ATG7: variants seen among roughly 807,000 people sequenced by gnomAD.
ATG7 encodes autophagy related 7.
Under a neutral mutation model 82.4 loss-of-function variants are expected in ATG7, and 70 were observed. The ratio of observed to expected loss-of-function variants is 0.85; its 90% CI spans 0.70 to 1.04. The LOEUF is 1.04. ATG7 is among the 50% of genes least tolerant of loss of function. The pLI is 0.00. For missense variants in ATG7, 792 were observed against 864.3 expected, an observed-to-expected ratio of 0.92 and a Z score of 1.05; for synonymous variants, 287 against 313.0, an observed-to-expected ratio of 0.92 and a Z score of 0.88.
chr3:11,433,546 AAG>A (rs1235530372), intron 20 of ATG7, among the ~76,000 whole-genome samples: 5 of 152,318 alleles, frequency 3.3e-5, no homozygotes, highest in East Asian at 1.9e-4. Context: ...ACTAATTTAT[AAG>A]AGAGTTAATA....
intron 19 of ATG7, among the ~76,000 whole-genome samples, chr3:11,423,869 T>C (rs888888450): frequency 6.6e-6 from 1 of 152,186 alleles, no homozygotes; most frequent in Non-Finnish European, 1.5e-5. Flanking sequence ...TCCCTTGGCT[T>C]AGATGGGTTC....
At chr3:11,284,208 C>T (rs1392304475) in intron 3 of ATG7, among the ~76,000 whole-genome samples, 1 of 152,014 alleles carries the variant, frequency 6.6e-6, no homozygotes, top group African/African-American at 2.4e-5. Flanking sequence ...AAAAAATATC[C>T]TACACTTCTT....
chr3:11,344,558 A>G (rs1162218444), intron 13 of ATG7, among the ~76,000 whole-genome samples: 2 of 152,118 alleles, frequency 1.3e-5, no homozygotes, highest in African/African-American at 4.8e-5. Context: ...TCAATTAGTA[A>G]TGTTTTGTTT....
the ATG7 span, among the ~76,000 whole-genome samples, chr3:11,569,641 T>A: frequency 1.3e-5 from 2 of 152,172 alleles, no homozygotes; most frequent in South Asian, 2.1e-4. Context: ...GTCCTCTCTC[T>A]CCCACCGCAG....
At chr3:11,399,436 C>T (rs2079604007) in intron 19 of ATG7, among the ~76,000 whole-genome samples, 1 of 152,158 alleles carries the variant, frequency 6.6e-6, no homozygotes, top group African/African-American at 2.4e-5. Flanking sequence ...ATTAAGGAGG[C>T]AGGCAGATTT....
At chr3:11,447,724 C>T (rs2084712614) in intron 20 of ATG7, among the ~76,000 whole-genome samples, 1 of 152,088 alleles carries the variant, frequency 6.6e-6, no homozygotes, top group Non-Finnish European at 1.5e-5. Context: ...AAAGAAAATC[C>T]CAGATAAGGA....
intron 18 of ATG7, among the ~76,000 whole-genome samples, chr3:11,366,926 C>A (rs1474047772): frequency 6.0e-5 from 9 of 149,784 alleles, no homozygotes; most frequent in African/African-American, 2.0e-4. Flanking sequence ...TCTTCATTTG[C>A]CCTTTTCAAA....
chr3:11,471,434 C>A (rs1347834932), intron 20 of ATG7, among the ~76,000 whole-genome samples: 2 of 152,136 alleles, frequency 1.3e-5, no homozygotes, highest in Non-Finnish European at 2.9e-5. Flanking sequence ...CATCTTTATA[C>A]CCTCAGTACC....
At chr3:11,482,963 A>G (rs1436555769) in intron 20 of ATG7, among the ~76,000 whole-genome samples, 2 of 151,800 alleles carry the variant, frequency 1.3e-5, no homozygotes, top group Non-Finnish European at 2.9e-5. Context: ...TACAGTCAGT[A>G]CCCCTAATGA....
At chr3:11,418,695 C>G (rs2081641371) in intron 19 of ATG7, among the ~76,000 whole-genome samples, 1 of 152,166 alleles carries the variant, frequency 6.6e-6, no homozygotes, top group Non-Finnish European at 1.5e-5. Flanking sequence ...GACTGTCTCT[C>G]CAGTTCTGGG....
intron 9 of ATG7, among the ~76,000 whole-genome samples, chr3:11,322,523 T>C (rs1291098274): frequency 6.6e-6 from 1 of 152,234 alleles, no homozygotes; most frequent in Non-Finnish European, 1.5e-5. Flanking sequence ...TACAAACTTT[T>C]TGTATATTTC....
chr3:11,473,664 C>CTGAG (rs572118471), intron 20 of ATG7, among the ~76,000 whole-genome samples: 46 of 152,326 alleles, frequency 3.0e-4, no homozygotes, highest in Non-Finnish European at 1.5e-4. Flanking sequence ...AGAGTCACTT[C>CTGAG]TGAGTGCTGT....
At chr3:11,281,476 A>G (rs1050079579) in intron 2 of ATG7, among the ~76,000 whole-genome samples, 4 of 152,130 alleles carry the variant, frequency 2.6e-5, no homozygotes, top group Admixed American at 2.6e-4. Context: ...CTTTATTCTT[A>G]TCTTTGAAAA....
chr3:11,435,723 C>T (rs781020569), intron 20 of ATG7, among the ~76,000 whole-genome samples: 3 of 152,124 alleles, frequency 2.0e-5, no homozygotes, highest in Non-Finnish European at 2.9e-5. Context: ...CATTGACCTT[C>T]GTTTCCATCA....
chr3:11,535,321 G>A (rs1380105508), intron 20 of ATG7, among the ~76,000 whole-genome samples: 1 of 152,194 alleles, frequency 6.6e-6, no homozygotes. Flanking sequence ...GGCTCTCAGA[G>A]GGAAAGGCCA....
At chr3:11,425,306 T>C (rs2082273000) in intron 19 of ATG7, among the ~76,000 whole-genome samples, 1 of 152,224 alleles carries the variant, frequency 6.6e-6, no homozygotes, top group Non-Finnish European at 1.5e-5. Context: ...TAAGTCTTTG[T>C]GCCCATGTAC....
intron 20 of ATG7, among the ~76,000 whole-genome samples, chr3:11,481,173 A>G (rs1199812226): frequency 2.6e-5 from 4 of 152,244 alleles, no homozygotes; most frequent in Non-Finnish European, 4.4e-5. Flanking sequence ...GAGAACAAAT[A>G]TAGGAGTTAG....
At chr3:11,415,259 G>T (rs1028230892) in intron 19 of ATG7, among the ~76,000 whole-genome samples, 5 of 152,118 alleles carry the variant, frequency 3.3e-5, no homozygotes, top group South Asian at 2.1e-4. Context: ...ACCATAAATG[G>T]AGTTTGTAGG....
chr3:11,295,817 G>A lies in ATG7; in HGVS notation c.-10-2869G>A, dbSNP rs536175773. 3.7e-3 allele frequency among the ~76,000 whole-genome samples: 521 copies of A among 139,144 alleles called. 4 individuals carry two copies. Among genetic ancestry groups the A allele is most frequent in the Middle Eastern group, 7.9e-3 (2 of 252 alleles). The allele number at this position is 139,144 out of a possible 152,430, so 91.3% of individuals were successfully genotyped here. ...TTTTTTTTTTTTGAGATGGAGTTTC[G>A]CTCTTGTTGCCCAGGCTGGAGTGCA... On this transcript the variant is annotated intron_variant, in intron 3 of 20. Transcript: ENST00000693202.
Sources: allele counts gnomAD v4.1 joint callset (sites outside exome capture counted in the v4.1 genomes callset), GRCh38; gene constraint gnomAD v4.1.1; transcripts MANE v1.5; gene names NCBI Gene and HGNC (gene_info 2026-07-23, HGNC 2026-07-21).